PCDHA5: variants seen among roughly 807,000 people sequenced by gnomAD.
The protein encoded by PCDHA5 is protocadherin alpha 5, also known as protocadherin alpha-5.
Under a neutral mutation model 61.6 loss-of-function variants are expected in PCDHA5, and 43 were observed. That is an observed-to-expected ratio of 0.70 (90% CI 0.55 to 0.90). The LOEUF is 0.90. Ranked by LOEUF, PCDHA5 falls within the 40% of genes least tolerant of loss-of-function variation. The probability of loss-of-function intolerance (pLI) is 0.00; values close to 1 mark genes in which losing one functional copy is unlikely to be tolerated. For synonymous variants in PCDHA5, 627 were observed against 543.9 expected, an observed-to-expected ratio of 1.15 and a Z score of -2.13; for missense variants, 1,298 against 1,222.7, an observed-to-expected ratio of 1.06 and a Z score of -0.92.
chr5:140,888,275 G>A (rs974764035), intron 1 of PCDHA5, among the ~76,000 whole-genome samples: 1 of 152,056 alleles, frequency 6.6e-6, no homozygotes, highest in African/African-American at 2.4e-5. Context: ...AAACAGTTTT[G>A]TCCCCTCTAC....
At chr5:140,869,275 G>T in intron 1 of PCDHA5, 1 of 1,613,584 alleles carries the variant, frequency 6.2e-7, no homozygotes, top group Non-Finnish European at 8.5e-7. Context: ...GGAGCTGGCG[G>T]AGCTGGTGCA....
At position 140,843,448 on chromosome 5, in the gene PCDHA5, C is replaced by A. The variant is rs2150360253; in HGVS notation, c.2352+19321C>A. 12 of 1,595,998 alleles carry A rather than the reference C, an allele frequency of 7.5e-6. 1 individual carries two copies. The highest frequency in any genetic ancestry group is 1.3e-5 in the African/African-American group (1 of 74,422). ...TCATCGCCATCTGCGCGGTATCCAGCCTGCTGGTGCTCACGCTGCTGCTGT... is the reference window on the plus strand; with the variant it reads ...TCATCGCCATCTGCGCGGTATCCAGACTGCTGGTGCTCACGCTGCTGCTGT... On this transcript the variant is annotated intron_variant, in intron 1 of 3. Transcript: ENST00000529859.
In PCDHA5 at chr5:140,829,690, T is replaced by C. The variant is rs147329611; in HGVS notation, c.2352+5563T>C. The stretch of plus-strand genomic sequence containing the variant: ...ACGAGGAGCTAGAGCTGCTGCAGTT[T>C]CAGGTGAGCGCGCGCGACGCGGGCG... On this transcript the variant is annotated intron_variant, in intron 1 of 3. Coordinates refer to ENST00000529859, the MANE Select transcript of PCDHA5 (RefSeq NM_018908.3). The C allele has an allele frequency of 9.4e-5, 151 of 1,613,174 alleles. 1 individual carries two copies. Among genetic ancestry groups the C allele is most frequent in the South Asian group, 2.2e-4 (20 of 91,054 alleles).
In PCDHA5 at chr5:140,884,535, C is replaced by A. The variant is rs142468733; in HGVS notation, c.2352+60408C>A. 15 of 1,614,034 alleles carry A rather than the reference C, an allele frequency of 9.3e-6. No individual in the cohort carries two copies. The South Asian group carries it at 1.5e-4, about 17-fold the overall frequency. ...TGGTCGTACTCGCAGCAGAGGCGGCCGAGGGTGTGCTCTGGGGAGGGCCCG... is the reference window on the plus strand; with the variant it reads ...TGGTCGTACTCGCAGCAGAGGCGGCAGAGGGTGTGCTCTGGGGAGGGCCCG... On this transcript the variant is annotated intron_variant, in intron 1 of 3. Transcript: ENST00000529859.
At chr5:140,831,682 G>T (rs2150196752) in intron 1 of PCDHA5, among the ~76,000 whole-genome samples, 1 of 152,150 alleles carries the variant, frequency 6.6e-6, no homozygotes, top group African/African-American at 2.4e-5. Flanking sequence ...TTCTTTGAAT[G>T]AAAAGCAGCA....
chr5:140,835,505 GT>G, intron 1 of PCDHA5: 1 of 1,613,954 alleles, frequency 6.2e-7, no homozygotes, highest in Non-Finnish European at 8.5e-7. Flanking sequence ...TGATTAGCGT[GT>G]TTGACCGAGA....
intron 1 of PCDHA5, among the ~76,000 whole-genome samples, chr5:140,846,053 A>T (rs2150384240): frequency 6.7e-6 from 1 of 149,910 alleles, no homozygotes; most frequent in East Asian, 1.9e-4. Context: ...AACACCACCT[A>T]TGTGGGAAAA....
At chr5:140,874,406 C>T (rs1399717105) in intron 1 of PCDHA5, among the ~76,000 whole-genome samples, 2 of 152,122 alleles carry the variant, frequency 1.3e-5, no homozygotes, top group Non-Finnish European at 2.9e-5. Flanking sequence ...ATAACAGTCA[C>T]CATTCTGATT....
At chr5:140,848,946 C>T (rs2150425951) in intron 1 of PCDHA5, 32 of 1,607,242 alleles carry the variant, frequency 2.0e-5, no homozygotes, top group Non-Finnish European at 2.5e-5. Flanking sequence ...GCTTGACTCT[C>T]GGTTTCCACT....
rs2150154763 is a variant in PCDHA5, at chr5:140,828,384, G to A, written c.2352+4257G>A. ...ATCGACCGCGAGGAGCTGTGCGGGC[G>A]GAGCGCGGAGTGCAGCATCCACCTG... On this transcript the variant is annotated intron_variant, in intron 1 of 3. Coordinates refer to ENST00000529859, the MANE Select transcript of PCDHA5 (RefSeq NM_018908.3). The A allele has an allele frequency of 1.4e-5, 23 of 1,614,166 alleles. No individual in the cohort carries two copies. In the East Asian group the frequency reaches 4.0e-4, roughly 28 times the overall value.
In PCDHA5 at chr5:140,850,134, A is replaced by C. The variant is rs2150469280; in HGVS notation, c.2352+26007A>C. 12 of 1,595,730 alleles carry C rather than the reference A, an allele frequency of 7.5e-6. 1 individual carries two copies. The highest frequency in any genetic ancestry group is 1.0e-5 in the Non-Finnish European group (12 of 1,167,876). On this transcript the variant is annotated intron_variant, in intron 1 of 3. Transcript: ENST00000529859. ...CGACGCGGGCGTGCCGCCTCTGGGC[A>C]GCAACGTGACGCTGCAGGTGTTCGT...
At chr5:140,829,928 C>T (rs1554132400) in intron 1 of PCDHA5, 1 of 1,613,972 alleles carries the variant, frequency 6.2e-7, no homozygotes, top group East Asian at 2.2e-5. Context: ...TGAGCTGCAG[C>T]CCCCGGCAAG....
At chr5:140,850,233 A>G in intron 1 of PCDHA5, 1 of 1,593,908 alleles carries the variant, frequency 6.3e-7, no homozygotes, top group Non-Finnish European at 8.6e-7. Context: ...AGTGAGCGAG[A>G]TGGTGCTGCG....
intron 1 of PCDHA5, among the ~76,000 whole-genome samples, chr5:140,911,327 C>T (rs2153517846): frequency 6.6e-6 from 1 of 152,324 alleles, no homozygotes; most frequent in South Asian, 2.1e-4. Context: ...GGATCCCATT[C>T]TTTTCCAATC....
chr5:140,833,369 AT>A (rs1397488143), intron 1 of PCDHA5, among the ~76,000 whole-genome samples: 1 of 152,192 alleles, frequency 6.6e-6, no homozygotes, highest in Non-Finnish European at 1.5e-5. Context: ...AGTAAGGTAG[AT>A]CCAAAAAGGA....
chr5:140,959,622 A>T (rs1489618654), intron 1 of PCDHA5, among the ~76,000 whole-genome samples: 1 of 152,194 alleles, frequency 6.6e-6, no homozygotes, highest in Admixed American at 6.5e-5. Flanking sequence ...TTGTGATAGA[A>T]AAAAAGAGAG....
chr5:140,829,248 A>C (rs2150164667), intron 1 of PCDHA5: 23 of 1,614,078 alleles, frequency 1.4e-5, no homozygotes, highest in Admixed American at 1.2e-4. Context: ...GGGCAGGTGA[A>C]CTGCTCGCTG....
At chr5:140,880,857 A>G (rs1296520788) in intron 1 of PCDHA5, among the ~76,000 whole-genome samples, 1 of 152,234 alleles carries the variant, frequency 6.6e-6, no homozygotes, top group African/African-American at 2.4e-5. Flanking sequence ...ATGTAGTCTA[A>G]TTATGTGAAG....
chr5:140,957,104 C>T (rs2095333785), intron 1 of PCDHA5, among the ~76,000 whole-genome samples: 1 of 152,104 alleles, frequency 6.6e-6, no homozygotes, highest in Non-Finnish European at 1.5e-5. Context: ...TTGCTATGGA[C>T]ATGATTCTGT....
Sources: allele counts gnomAD v4.1 joint callset (sites outside exome capture counted in the v4.1 genomes callset), GRCh38; gene constraint gnomAD v4.1.1; transcripts MANE v1.5; gene names NCBI Gene and HGNC (gene_info 2026-07-23, HGNC 2026-07-21).